TRAK1: variants seen among roughly 807,000 people sequenced by gnomAD.
The protein encoded by TRAK1 is trafficking kinesin-binding protein 1.
A neutral mutation model predicts 92.1 loss-of-function variants in TRAK1; 33 were observed. That is an observed-to-expected ratio of 0.36 (90% CI 0.27 to 0.48). The LOEUF is 0.48. Among genes scored for constraint, TRAK1 ranks in the 20% least tolerant of loss-of-function variants. The pLI is 0.99. For synonymous variants in TRAK1, 521 were observed against 517.3 expected (o/e 1.01, Z -0.10); for missense variants, 1,123 against 1,257.9 (o/e 0.89, Z 1.62).
Position 42,120,980 on chromosome 3 carries a change from C to A in TRAK1, c.92-4440C>A, listed in dbSNP as rs116933464. ...ACAAAAACTTCCTGATGATGACATCCTGGGAATTCCCCAGCATTTCAAGTG... is the reference window on the plus strand; with the variant it reads ...ACAAAAACTTCCTGATGATGACATCATGGGAATTCCCCAGCATTTCAAGTG... On this transcript the variant is annotated intron_variant, in intron 1 of 15. Transcript: ENST00000327628. Among the ~76,000 whole-genome samples, 124 of 152,304 alleles carry A rather than the reference C, an allele frequency of 8.1e-4. 1 individual carries two copies. In the East Asian group the frequency reaches 0.019, roughly 24 times the overall value.
upstream of TRAK1, chr3:42,091,244 G>T: frequency 1.9e-6 from 1 of 516,582 alleles, no homozygotes; most frequent in South Asian, 2.7e-5. Flanking sequence ...TTTTCTGTTT[G>T]GGGTGGCTTA....
chr3:42,117,384 G>T (rs191575660), intron 1 of TRAK1, among the ~76,000 whole-genome samples: 1 of 152,056 alleles, frequency 6.6e-6, no homozygotes, highest in African/African-American at 2.4e-5. Context: ...CAGTTGTGGT[G>T]CTGGTTTCCT....
At chr3:42,157,457 CAAAAAAAAAAA>C (rs60622565) in intron 2 of TRAK1, among the ~76,000 whole-genome samples, 64 of 31,114 alleles carry the variant, frequency 2.1e-3, no homozygotes, top group African/African-American at 6.2e-3. Context: ...GACCCTGTCT[CAAAAAAAAAAA>C]AAAAAAAAAA....
At chr3:42,169,772 C>A (rs1271897971) in intron 2 of TRAK1, among the ~76,000 whole-genome samples, 11 of 152,136 alleles carry the variant, frequency 7.2e-5, no homozygotes, top group Admixed American at 7.2e-4. Flanking sequence ...GTCACAACAG[C>A]CATTTGAAGA....
At position 42,198,622 on chromosome 3, in the gene TRAK1, C is replaced by G. The variant is rs536550329; in HGVS notation, c.1114-555C>G. 2.6e-5 allele frequency among the ~76,000 whole-genome samples: 4 copies of G among 152,154 alleles called. No homozygotes were observed. In the South Asian group the frequency reaches 8.3e-4, roughly 32 times the overall value. On this transcript the variant is annotated intron_variant, in intron 10 of 15. Coordinates refer to ENST00000327628, the MANE Select transcript of TRAK1 (RefSeq NM_001042646.3). The stretch of plus-strand genomic sequence containing the variant: ...CTCACTAGCACAGAACCAGAGTGCC[C>G]TTTGGAGGTGGGAAAGGCTTCCCCA...
At chr3:42,041,964 G>C (rs1246196736) in intron 1 of TRAK1, among the ~76,000 whole-genome samples, 2 of 152,010 alleles carry the variant, frequency 1.3e-5, no homozygotes, top group African/African-American at 4.8e-5. Context: ...AGCTACTTTT[G>C]TATTTTTAGT....
intron 1 of TRAK1, among the ~76,000 whole-genome samples, chr3:42,032,712 A>G (rs1360567527): frequency 6.6e-6 from 1 of 152,138 alleles, no homozygotes; most frequent in Non-Finnish European, 1.5e-5. Context: ...CCATAAAACA[A>G]GTGTGGTAGG....
chr3:42,102,015 T>TCC (rs1201152752), intron 1 of TRAK1, among the ~76,000 whole-genome samples: 3 of 152,346 alleles, frequency 2.0e-5, no homozygotes, highest in Admixed American at 2.0e-4. Flanking sequence ...AGATGGAGTC[T>TCC]CACTCTATCA....
chr3:42,210,924 G>C (rs1708948024), intron 14 of TRAK1: 1 of 985,312 alleles, frequency 1.0e-6, no homozygotes, highest in Non-Finnish European at 1.2e-6. Context: ...GGGATGAAAA[G>C]CTTTGTGCTC....
At chr3:42,123,902 G>C (rs370944831) in intron 1 of TRAK1, among the ~76,000 whole-genome samples, 3 of 152,088 alleles carry the variant, frequency 2.0e-5, no homozygotes, top group East Asian at 1.9e-4. Context: ...CAGCACTTTG[G>C]GGGGCCAAGG....
chr3:42,134,156 CTCCCCTTCCCCT>C (rs1282497367), intron 2 of TRAK1, among the ~76,000 whole-genome samples: 6 of 150,652 alleles, frequency 4.0e-5, no homozygotes, highest in Admixed American at 4.0e-4. Flanking sequence ...TCCTTCCTTC[CTCCCCTTCCCCT>C]TCCCCTTCCT....
At position 42,063,443 on chromosome 3, in the gene TRAK1, T is replaced by C. The variant is rs966258173; in HGVS notation, c.-518-23661T>C. On this transcript the variant is annotated intron_variant, in intron 1 of 16. Transcript: ENST00000487159. ...GCTTGTGCCTGTAATCCCAGCACTT[T>C]GGGAGGCTGAGGCGGGCAAATCAGT... Among the ~76,000 whole-genome samples, 3 of 152,190 alleles carry C rather than the reference T, an allele frequency of 2.0e-5. No individual in the cohort carries two copies. The South Asian group carries it at 6.2e-4, about 31-fold the overall frequency.
chr3:42,207,845 T>C (rs1559387783), intron 13 of TRAK1, among the ~76,000 whole-genome samples: 3 of 152,174 alleles, frequency 2.0e-5, no homozygotes, highest in Non-Finnish European at 1.5e-5. Context: ...GAACCACAGC[T>C]CTAGAGAAAG....
intron 9 of TRAK1, among the ~76,000 whole-genome samples, chr3:42,194,150 T>G (rs532092761): frequency 7.9e-4 from 121 of 152,322 alleles, no homozygotes; most frequent in African/African-American, 2.6e-3. Context: ...CCAAAAAATG[T>G]TCAAAGAAAT....
chr3:42,013,638 C>A (rs1399760626), upstream of TRAK1, among the ~76,000 whole-genome samples: 1 of 148,408 alleles, frequency 6.7e-6, no homozygotes, highest in African/African-American at 2.4e-5. The surrounding 1 kb of genome is among the most constrained non-coding windows in gnomAD (Gnocchi z 5.1). Flanking sequence ...AGGTGCAAGC[C>A]GCCCGCTCGC....
At chr3:42,130,477 G>A (rs1306039358) in intron 2 of TRAK1, among the ~76,000 whole-genome samples, 8 of 152,160 alleles carry the variant, frequency 5.3e-5, no homozygotes, top group Admixed American at 2.6e-4. Flanking sequence ...GTAATATTAA[G>A]GAATTAGCCA....
At chr3:42,032,803 G>A (rs1407056715) in intron 1 of TRAK1, among the ~76,000 whole-genome samples, 1 of 152,130 alleles carries the variant, frequency 6.6e-6, no homozygotes, top group South Asian at 2.1e-4. Flanking sequence ...CGTGCCTGTC[G>A]TTCCAGCTAC....
At chr3:42,014,917 G>A (rs1287098797) in intron 1 of TRAK1, among the ~76,000 whole-genome samples, 1 of 152,100 alleles carries the variant, frequency 6.6e-6, no homozygotes, top group Non-Finnish European at 1.5e-5. Flanking sequence ...TTTTCTGGAG[G>A]GTCTTTTGTT....
chr3:42,041,784 TG>T lies in TRAK1; in HGVS notation c.-519+27668del, dbSNP rs1429574133. Reference sequence around the variant, plus strand: ...TGAGGAAGTTCCCTTCTATTTCTATTGTTTTTTTTTTTCTTTTCTTTTCTTT... The same window carrying T: ...TGAGGAAGTTCCCTTCTATTTCTATTTTTTTTTTTTTCTTTTCTTTTCTTT... On this transcript the variant is annotated intron_variant, in intron 1 of 16. Coordinates refer to the TRAK1 transcript ENST00000487159. Among the ~76,000 whole-genome samples, 267 of 131,948 alleles carry T rather than the reference TG, an allele frequency of 2.0e-3. 1 individual carries two copies. Among genetic ancestry groups the T allele is most frequent in the African/African-American group, 8.8e-3 (256 of 29,102 alleles). The allele number at this position is 131,948 out of a possible 152,430, so 86.6% of individuals were successfully genotyped here.
Sources: gnomAD v4.1 joint callset for allele counts (sites outside exome capture counted in the v4.1 genomes callset) on GRCh38, gnomAD v4.1.1 for gene constraint, Gnocchi (gnomAD v3.1) non-coding constraint, MANE v1.5 for transcripts, NCBI Gene and HGNC (gene_info 2026-07-23, HGNC 2026-07-21) for gene names.